The following TMEM182 variants were observed in gnomAD, a reference collection of about 807,000 sequenced individuals.
The protein encoded by TMEM182 is transmembrane protein 182.
Under a neutral mutation model 26.8 loss-of-function variants are expected in TMEM182, and 20 were observed. That is an observed-to-expected ratio of 0.75 (90% CI 0.53 to 1.09). TMEM182 has a LOEUF of 1.09. Ranked by LOEUF, TMEM182 falls within the 50% of genes least tolerant of loss-of-function variation. The pLI is 0.00. For missense variants in TMEM182, 277 were observed against 275.5 expected (o/e 1.01, Z -0.04); for synonymous variants, 109 against 102.2 (o/e 1.07, Z -0.40).
chr2:102,768,513 C>CTA (rs1389700381), intron 3 of TMEM182, among the ~76,000 whole-genome samples: 20 of 146,488 alleles, frequency 1.4e-4, no homozygotes, highest in African/African-American at 4.8e-4. Context: ...TGGTGAAATC[C>CTA]TATCTGTACT....
In TMEM182 at chr2:102,762,165, C is replaced by A; in HGVS notation, c.-53C>A. ...CTGTTGTTTCTGAGAAACTAGGTGT[C>A]TTACCATTTTAAAATTTCATATTTT... On this transcript the variant is annotated 5_prime_UTR_variant, in exon 1 of 5. Transcript: ENST00000412401. The A allele has an allele frequency of 1.2e-5, 15 of 1,278,558 alleles. No homozygotes were observed. Among genetic ancestry groups the A allele is most frequent in the East Asian group, 2.8e-5 (1 of 35,510 alleles). 79.2% of individuals were successfully genotyped at this position (1,278,558 alleles called of 1,614,324 possible).
chr2:102,842,143 T>A (rs1381050858), intron 3 of TMEM182, among the ~76,000 whole-genome samples: 1 of 152,128 alleles, frequency 6.6e-6, no homozygotes, highest in African/African-American at 2.4e-5. Context: ...TTGGGCTAAG[T>A]CTTGTACTCC....
At chr2:102,755,584 T>G (rs977113013) in intron 1 of TMEM182, among the ~76,000 whole-genome samples, 5 of 152,186 alleles carry the variant, frequency 3.3e-5, no homozygotes, top group Admixed American at 2.0e-4. Flanking sequence ...GATATATGCT[T>G]GATATTATGA....
intron 4 of TMEM182, among the ~76,000 whole-genome samples, chr2:102,808,635 C>T (rs994672849): frequency 4.6e-5 from 7 of 152,112 alleles, no homozygotes; most frequent in Non-Finnish European, 7.4e-5. Context: ...CATCACAAAA[C>T]GGTATATTCC....
chr2:102,827,842 C>T (rs899417054), intron 3 of TMEM182, among the ~76,000 whole-genome samples: 4 of 152,116 alleles, frequency 2.6e-5, no homozygotes, highest in African/African-American at 9.7e-5. Context: ...TGTGGTGGCT[C>T]ACACCTGTAA....
chr2:102,790,195 T>A (rs2104713328), intron 3 of TMEM182, among the ~76,000 whole-genome samples: 1 of 152,344 alleles, frequency 6.6e-6, no homozygotes, highest in East Asian at 1.9e-4. Flanking sequence ...CAGCATATGT[T>A]TGCTAAATTA....
intron 3 of TMEM182, among the ~76,000 whole-genome samples, chr2:102,779,951 C>T (rs1470022067): frequency 4.0e-5 from 6 of 151,888 alleles, no homozygotes; most frequent in Admixed American, 6.6e-5. Flanking sequence ...TGCAGTGAGC[C>T]GAGATTGCGT....
At chr2:102,775,114 C>A (rs946355031) in intron 3 of TMEM182, 10 of 152,162 alleles carry the variant, frequency 6.6e-5, no homozygotes, top group Non-Finnish European at 1.3e-4. Context: ...CACGGTTTAT[C>A]CTTCTGTTTA....
intron 3 of TMEM182, among the ~76,000 whole-genome samples, chr2:102,780,229 G>C (rs971413061): frequency 2.0e-5 from 3 of 152,040 alleles, no homozygotes; most frequent in African/African-American, 7.2e-5. Context: ...AATATTATAA[G>C]ACTATGGATC....
At chr2:102,761,798 A>T (rs1341608779), upstream of TMEM182, among the ~76,000 whole-genome samples, 1 of 152,214 alleles carries the variant, frequency 6.6e-6, no homozygotes. Context: ...ATTTGGGGCC[A>T]ATGCTTTCAA....
intron 3 of TMEM182, among the ~76,000 whole-genome samples, chr2:102,772,561 G>A (rs1680722860): frequency 6.6e-6 from 1 of 152,116 alleles, no homozygotes; most frequent in African/African-American, 2.4e-5. Context: ...TCGGGGACTA[G>A]ATAGATGCTG....
intron 3 of TMEM182, among the ~76,000 whole-genome samples, chr2:102,787,814 C>T (rs1681461381): frequency 6.6e-6 from 1 of 152,158 alleles, no homozygotes; most frequent in Middle Eastern, 3.2e-3. Flanking sequence ...TGAACCTATC[C>T]TTTACTGGCT....
At position 102,816,691 on chromosome 2, in the gene TMEM182, A is replaced by T. The variant is rs1006713331; in HGVS notation, c.*1723A>T. ...GCTTTTGGCTTTGTTATTAGAAAAAATAATTATGAGGTCTGTTGTGCATGT... is the reference window on the plus strand; with the variant it reads ...GCTTTTGGCTTTGTTATTAGAAAAATTAATTATGAGGTCTGTTGTGCATGT... On this transcript the variant is annotated 3_prime_UTR_variant, in exon 5 of 5. Transcript: ENST00000412401. 8.1e-6 allele frequency: 8 copies of T among 985,574 alleles called. No homozygotes were observed. The highest frequency in any genetic ancestry group is 9.6e-6 in the Non-Finnish European group (8 of 829,914). The allele number at this position is 985,574 out of a possible 1,614,324, so 61.1% of individuals were successfully genotyped here.
At chr2:102,757,721 A>G (rs1680087283), upstream of TMEM182, among the ~76,000 whole-genome samples, 1 of 152,198 alleles carries the variant, frequency 6.6e-6, no homozygotes, top group Non-Finnish European at 1.5e-5. Flanking sequence ...ACGCTGCTAT[A>G]AAGAACTGAA....
chr2:102,796,386 C>T (rs1385346009), intron 3 of TMEM182, among the ~76,000 whole-genome samples: 1 of 152,164 alleles, frequency 6.6e-6, no homozygotes, highest in African/African-American at 2.4e-5. Flanking sequence ...ATTCTCTGAG[C>T]TGCTTCTTGT....
chr2:102,825,349 A>C (rs1573575710), intron 3 of TMEM182, among the ~76,000 whole-genome samples: 1 of 152,386 alleles, frequency 6.6e-6, no homozygotes. Flanking sequence ...TGGTGTTAAT[A>C]GTTCTAATAG....
chr2:102,797,376 GT>G (rs1236620536), intron 3 of TMEM182, among the ~76,000 whole-genome samples: 1 of 152,156 alleles, frequency 6.6e-6, no homozygotes, highest in Non-Finnish European at 1.5e-5. Flanking sequence ...GGGGCTTGGG[GT>G]GACTATTATC....
intron 3 of TMEM182, among the ~76,000 whole-genome samples, chr2:102,788,425 G>T (rs1681489736): frequency 6.6e-6 from 1 of 152,066 alleles, no homozygotes; most frequent in African/African-American, 2.4e-5. Flanking sequence ...TGGTCCCCTG[G>T]GGTGGACACT....
At chr2:102,750,977 G>A (rs943820285) in intron 1 of TMEM182, among the ~76,000 whole-genome samples, 6 of 152,232 alleles carry the variant, frequency 3.9e-5, no homozygotes, top group African/African-American at 1.4e-4. Flanking sequence ...GCATATAGCC[G>A]CCTTCTTGCT....
Sources: allele counts gnomAD v4.1 joint callset (sites outside exome capture counted in the v4.1 genomes callset), GRCh38; gene constraint gnomAD v4.1.1; transcripts MANE v1.5; gene names NCBI Gene and HGNC (gene_info 2026-07-23, HGNC 2026-07-21).